IFT27: variants seen among roughly 807,000 people sequenced by gnomAD.
The protein encoded by IFT27 is intraflagellar transport protein 27 homolog.
A neutral mutation model predicts 23.9 loss-of-function variants in IFT27; 19 were observed. That is an observed-to-expected ratio of 0.79 (90% CI 0.55 to 1.16). The LOEUF (loss-of-function observed/expected upper bound fraction) is 1.16. IFT27 is among the 50% of genes most tolerant of loss of function. IFT27 has a pLI of 0.00. For synonymous variants in IFT27, 91 were observed against 89.1 expected (o/e 1.02, Z -0.12); for missense variants, 206 against 228.7 (o/e 0.90, Z 0.64).
Position 36,758,457 on chromosome 22 carries a change from G to A in IFT27, c.463-48C>T. ...TGGCTGTGTTCTTTTAGAAGGGTCA[G>A]AGGGCCAGCTCTCACTCAATGCTTC... On this transcript the variant is annotated intron_variant, in intron 6 of 6. Transcript: ENST00000433985. The A allele has an allele frequency of 5.0e-6, 7 of 1,396,774 alleles. 1 individual carries two copies. The highest frequency in any genetic ancestry group is 4.4e-4 in the Middle Eastern group (2 of 4,560). 86.5% of individuals were successfully genotyped at this position (1,396,774 alleles called of 1,614,324 possible). A position where few individuals can be genotyped will look rare whatever the true frequency, so the allele number is the denominator to read the frequency against.
Position 36,767,349 on chromosome 22 carries a change from AAATCC to A in IFT27, c.126_130del (p.Met42IlefsTer10), listed in dbSNP as rs1938279494. On this transcript the variant is annotated frameshift_variant, in exon 3 of 7. Transcript: ENST00000433985. LOFTEE classifies it high-confidence loss of function. ...AGGAACTGGCACTGTCTTCACCACCAAATCCATTCCTGTTGTCTGCCGAGGAACAC... is the reference window on the plus strand; with the variant it reads ...AGGAACTGGCACTGTCTTCACCACCAATTCCTGTTGTCTGCCGAGGAACAC... 3.7e-5 allele frequency: 59 copies of A among 1,613,546 alleles called. No individual in the cohort carries two copies. Among genetic ancestry groups the A allele is most frequent in the Non-Finnish European group, 4.8e-5 (57 of 1,179,744 alleles).
intron 4 of IFT27, among the ~76,000 whole-genome samples, chr22:36,764,842 T>G (rs1569076008): frequency 6.6e-6 from 1 of 152,222 alleles, no homozygotes; most frequent in Non-Finnish European, 1.5e-5. Flanking sequence ...GTACAGGCTG[T>G]GGGTGCGCAC....
chr22:36,775,444 C>T (rs1293269998), intron 1 of IFT27, among the ~76,000 whole-genome samples: 1 of 152,154 alleles, frequency 6.6e-6, no homozygotes, highest in African/African-American at 2.4e-5. Flanking sequence ...TGAAGGTGGT[C>T]TCAGAGTATG....
chr22:36,774,824 A>G (rs5750305), intron 1 of IFT27, among the ~76,000 whole-genome samples: 58 of 150,834 alleles, frequency 3.8e-4, no homozygotes, highest in East Asian at 3.1e-3. Flanking sequence ...AAAAAAAAAA[A>G]AAAAAGAAAA....
At chr22:36,765,312 G>A (rs1171879869) in intron 4 of IFT27, among the ~76,000 whole-genome samples, 1 of 152,148 alleles carries the variant, frequency 6.6e-6, no homozygotes. Flanking sequence ...TGGAGGGGAG[G>A]GTGTGAGCTG....
intron 1 of IFT27, among the ~76,000 whole-genome samples, chr22:36,773,849 G>A (rs957328650): frequency 9.9e-5 from 15 of 152,060 alleles, no homozygotes; most frequent in African/African-American, 3.6e-4. Context: ...AATGAGGATG[G>A]CAATAATGCC....
intron 5 of IFT27, 44 bp from the exon 6 acceptor site, chr22:36,763,057 C>A: frequency 7.1e-7 from 1 of 1,417,402 alleles, no homozygotes. Context: ...CACTGTCACA[C>A]TCTGGAAGGA....
chr22:36,766,942 C>CATT (rs1938266080), intron 3 of IFT27: 1 of 107,104 alleles, frequency 9.3e-6, no homozygotes. Flanking sequence ...TTTTTTTTTT[C>CATT]TCGCAGACCT....
chr22:36,770,408 A>G (rs1307863900), intron 1 of IFT27, among the ~76,000 whole-genome samples: 1 of 151,888 alleles, frequency 6.6e-6, no homozygotes, highest in Non-Finnish European at 1.5e-5. Flanking sequence ...TGGGCCTGTC[A>G]TCGGCGGCGC....
chr22:36,765,776 C>A (rs1938230053), intron 4 of IFT27, among the ~76,000 whole-genome samples: 2 of 152,140 alleles, frequency 1.3e-5, no homozygotes, highest in African/African-American at 4.8e-5. Context: ...TACAGCACTT[C>A]CCAGAGGGGG....
At chr22:36,773,527 G>A (rs1021951113) in intron 1 of IFT27, among the ~76,000 whole-genome samples, 18 of 151,880 alleles carry the variant, frequency 1.2e-4, no homozygotes, top group African/African-American at 4.1e-4. Context: ...GGTGGTGGGC[G>A]CCTGTAATCC....
intron 1 of IFT27, among the ~76,000 whole-genome samples, chr22:36,771,569 G>A (rs1015455551): frequency 2.0e-5 from 3 of 151,956 alleles, no homozygotes; most frequent in Admixed American, 6.6e-5. Flanking sequence ...GGGACCAGCC[G>A]GGCAGGGCCC....
At position 36,769,503 on chromosome 22, in the gene IFT27, C is replaced by T. The variant is rs572978587; in HGVS notation, c.35-1641G>A. On this transcript the variant is annotated intron_variant, in intron 1 of 6. Transcript: ENST00000433985. Reference sequence around the variant, plus strand: ...CCGAGTAGCTGGGACTACAGGTGCACGCCACCATGACCAGCTAATGTTTGT... The same window carrying T: ...CCGAGTAGCTGGGACTACAGGTGCATGCCACCATGACCAGCTAATGTTTGT... Among the ~76,000 whole-genome samples, 10 of 152,248 alleles carry T rather than the reference C, an allele frequency of 6.6e-5. No homozygotes were observed. The East Asian group carries it at 7.7e-4, about 12-fold the overall frequency.
At chr22:36,769,286 G>A (rs532817105) in intron 1 of IFT27, among the ~76,000 whole-genome samples, 3 of 152,164 alleles carry the variant, frequency 2.0e-5, no homozygotes, top group African/African-American at 7.2e-5. Flanking sequence ...GAGAGGCTGG[G>A]TAACTCGCCC....
In IFT27 at chr22:36,775,846, C is replaced by T. The variant is rs933277696; in HGVS notation, c.-139G>A. The T allele has an allele frequency of 8.8e-6, 5 of 567,552 alleles. No homozygotes were observed. The highest frequency in any genetic ancestry group is 1.5e-5 in the Non-Finnish European group (5 of 331,548). The allele number at this position is 567,552 out of a possible 1,614,324, so 35.2% of individuals were successfully genotyped here. A position where few individuals can be genotyped will look rare whatever the true frequency, so the allele number is the denominator to read the frequency against. ...GGCTGATCTCAAGGGTCAGTGGCCG[C>T]GACGGGACTGGGGATGACCGAGCCC... On this transcript the variant is annotated 5_prime_UTR_variant, in exon 1 of 7. Coordinates refer to ENST00000433985, the MANE Select transcript of IFT27 (RefSeq NM_001177701.3).
At chr22:36,766,945 G>A (rs547630346) in intron 3 of IFT27, 115 of 143,416 alleles carry the variant, frequency 8.0e-4, no homozygotes, top group South Asian at 4.4e-3. Context: ...TTTTTTTCTC[G>A]CAGACCTCTT....
chr22:36,774,702 C>T (rs1938460823), intron 1 of IFT27, among the ~76,000 whole-genome samples: 1 of 151,992 alleles, frequency 6.6e-6, no homozygotes. Flanking sequence ...ATCCCAGCTA[C>T]TTGGGAGGCT....
At chr22:36,759,632 A>G (rs889126851) in intron 6 of IFT27, 1 of 152,274 alleles carries the variant, frequency 6.6e-6, no homozygotes, top group African/African-American at 2.4e-5. Context: ...AGCTCAAGCT[A>G]TGAATGCACT....
At chr22:36,762,812 A>G (rs895539986) in intron 6 of IFT27, 92 bp downstream of exon 6, 5 of 674,784 alleles carry the variant, frequency 7.4e-6, no homozygotes, top group Non-Finnish European at 1.2e-5. Flanking sequence ...ATATGGTGGA[A>G]TAACAGCTCC....
Sources: allele counts gnomAD v4.1 joint callset (sites outside exome capture counted in the v4.1 genomes callset), GRCh38; gene constraint gnomAD v4.1.1; transcripts MANE v1.5; gene names NCBI Gene and HGNC (gene_info 2026-07-23, HGNC 2026-07-21).